Variants in PITRM1 observed in about 807,000 individuals in gnomAD.
The protein encoded by PITRM1 is pitrilysin metallopeptidase 1, also known as presequence protease, mitochondrial.
In PITRM1, 100 loss-of-function variants were observed where a neutral mutation model predicts 129.9. That is an observed-to-expected ratio of 0.77 (90% CI 0.65 to 0.91). PITRM1 has a LOEUF of 0.91. Among genes scored for constraint, PITRM1 ranks in the 40% least tolerant of loss-of-function variants. The probability of loss-of-function intolerance (pLI) is 0.00; values close to 1 mark genes in which losing one functional copy is unlikely to be tolerated. For missense variants in PITRM1, 1,471 were observed against 1,318.3 expected, an observed-to-expected ratio of 1.12 and a Z score of -1.79; for synonymous variants, 591 against 508.8, an observed-to-expected ratio of 1.16 and a Z score of -2.17.
chr10:3,154,080 GCTCT>G (rs1273324547), intron 14 of PITRM1, among the ~76,000 whole-genome samples: 11 of 152,176 alleles, frequency 7.2e-5, no homozygotes, highest in Non-Finnish European at 2.9e-5. Context: ...CTTCTCATCT[GCTCT>G]CTGTCCCTGC....
intron 21 of PITRM1, among the ~76,000 whole-genome samples, chr10:3,144,641 A>G (rs1840657364): frequency 6.6e-6 from 1 of 152,088 alleles, no homozygotes; most frequent in Non-Finnish European, 1.5e-5. Flanking sequence ...CATCTCAACA[A>G]AAAATTTTTA....
Position 3,140,903 on chromosome 10 carries a change from C to T in PITRM1, c.2646-91G>A, listed in dbSNP as rs1027693578. ...TGTTGGATTAAGTGAAAATGAAAAT[C>T]GAGTTGTAAAATAATGCTGCATAAA... On this transcript the variant is annotated intron_variant, in intron 23 of 26. Transcript: ENST00000224949. The T allele has an allele frequency of 2.3e-5, 27 of 1,163,000 alleles. No homozygotes were observed. In the African/African-American group the frequency reaches 2.5e-4, roughly 11 times the overall value. 72.0% of individuals were successfully genotyped at this position (1,163,000 alleles called of 1,614,324 possible).
At chr10:3,158,596 G>C (rs1417028027) in intron 10 of PITRM1, among the ~76,000 whole-genome samples, 1 of 152,158 alleles carries the variant, frequency 6.6e-6, no homozygotes, top group African/African-American at 2.4e-5. Context: ...AGAGACAACA[G>C]CATGACATTC....
At chr10:3,150,653 A>G (rs1222284953) in intron 15 of PITRM1, among the ~76,000 whole-genome samples, 2 of 152,220 alleles carry the variant, frequency 1.3e-5, no homozygotes, top group African/African-American at 4.8e-5. Context: ...GCTACTAGCC[A>G]GGAGCCAGAG....
Position 3,138,115 on chromosome 10 carries a change from G to A in PITRM1, c.3030C>T (p.Gly1010=), listed in dbSNP as rs755718688. 6.2e-7 allele frequency: 1 copy of A among 1,609,034 alleles called. No homozygotes were observed. Among genetic ancestry groups the A allele is most frequent in the Non-Finnish European group, 8.5e-7 (1 of 1,177,332 alleles). ...KLLAVSDRYL[G]TGKSTHGLAI... ...CCAGGCCGTGTGTGCTCTTCCCAGT[G>A]CCGAGGTATCTGAGAGGAAGGCAGG... The change falls in exon 27 of 27, where the codon GGC becomes GGT. Residue 1010 remains glycine (G), a synonymous_variant. Transcript: ENST00000224949.
rs376703266 is a variant in PITRM1, at chr10:3,137,993, T to C, written c.*38A>G. ...TTTTCATATTCAGCTCGGAGGTGTA[T>C]TGTCTCGGGCTCCTGTGCAGTCGAG... On this transcript the variant is annotated 3_prime_UTR_variant, in exon 27 of 27. Coordinates refer to ENST00000224949, the MANE Select transcript of PITRM1 (RefSeq NM_014889.4). 982 of 1,194,006 alleles carry C rather than the reference T, an allele frequency of 8.2e-4. 2 individuals are homozygous for C. The highest frequency in any genetic ancestry group is 1.0e-3 in the Non-Finnish European group (848 of 815,126). The allele number at this position is 1,194,006 out of a possible 1,614,324, so 74.0% of individuals were successfully genotyped here. A position where few individuals can be genotyped will look rare whatever the true frequency, so the allele number is the denominator to read the frequency against.
At chr10:3,147,837 A>G in intron 18 of PITRM1, 100 bp from the exon 19 acceptor site, 2 of 1,275,134 alleles carry the variant, frequency 1.6e-6, no homozygotes, top group Non-Finnish European at 2.2e-6. Flanking sequence ...TTTAACAACC[A>G]AAGAAATTTT....
chr10:3,140,629 T>C lies in PITRM1; in HGVS notation c.2771+58A>G, dbSNP rs79684912. ...TAGAAGAAAATGACACTGATAATCA[T>C]GAGTAGAAGACTAAAACGACGTGTG... On this transcript the variant is annotated intron_variant, in intron 24 of 26. Transcript: ENST00000224949. 827 of 1,471,046 alleles carry C rather than the reference T, an allele frequency of 5.6e-4. 3 individuals carry two copies. The highest frequency in any genetic ancestry group is 3.3e-4 in the Non-Finnish European group (352 of 1,073,538). The allele number at this position is 1,471,046 out of a possible 1,614,324, so 91.1% of individuals were successfully genotyped here. A position where few individuals can be genotyped will look rare whatever the true frequency, so the allele number is the denominator to read the frequency against.
At chr10:3,147,044 C>T (rs919781055) in intron 20 of PITRM1, 106 bp downstream of exon 20, 10 of 578,732 alleles carry the variant, frequency 1.7e-5, no homozygotes, top group Admixed American at 1.3e-4. Flanking sequence ...AATTCTATAA[C>T]CTTTACCAAG....
At position 3,140,749 on chromosome 10, in the gene PITRM1, G is replaced by T; in HGVS notation, c.2709C>A (p.Gly903=). Reference sequence around the variant, plus strand: ...GTTTTGCGCCTCCACCATAAGCACCGCCTTTTTCTCGAATTTCTGTATGCA... The same window carrying T: ...GTTTTGCGCCTCCACCATAAGCACCTCCTTTTTCTCGAATTTCTGTATGCA... ...KFLHTEIREK[G]GAYGGGAKLS... The change falls in exon 24 of 27, where the codon GGC becomes GGA. Residue 903 remains glycine, a synonymous_variant. Coordinates refer to ENST00000224949, the MANE Select transcript of PITRM1 (RefSeq NM_014889.4). The T allele has an allele frequency of 6.3e-7, 1 of 1,596,368 alleles. No homozygotes were observed. The highest frequency in any genetic ancestry group is 2.2e-5 in the East Asian group (1 of 44,522).
chr10:3,156,580 A>G (rs1842002143), intron 13 of PITRM1, among the ~76,000 whole-genome samples: 1 of 152,240 alleles, frequency 6.6e-6, no homozygotes, highest in South Asian at 2.1e-4. Context: ...GCAAGCATCA[A>G]AAGAATTCAC....
intron 23 of PITRM1, chr10:3,141,688 C>T (rs1840220029): frequency 4.3e-6 from 2 of 470,278 alleles, no homozygotes; most frequent in African/African-American, 4.0e-5. Context: ...CTTGAAGACG[C>T]CCGTGGTGAG....
At position 3,158,123 on chromosome 10, in the gene PITRM1, A is replaced by G. The variant is rs1409868081; in HGVS notation, c.1167T>C (p.Phe389=). 1 of 1,608,196 alleles carries G rather than the reference A, an allele frequency of 6.2e-7. No individual in the cohort carries two copies. Among genetic ancestry groups the G allele is most frequent in the Non-Finnish European group, 8.5e-7 (1 of 1,175,730 alleles). ...CCGCAATCCCTTGGAGGCCGACACT[A>G]AAGTAGGCCTCCCTCGTGTAGCCAT... ...GYNGYTREAY[F]SVGLQGIAEK... Residue 389 remains phenylalanine, a synonymous_variant, in exon 11 of 27, where the codon TTT becomes TTC. Transcript: ENST00000224949.
intron 7 of PITRM1, among the ~76,000 whole-genome samples, chr10:3,161,587 C>A (rs1356277541): frequency 3.3e-5 from 5 of 151,782 alleles, no homozygotes; most frequent in Non-Finnish European, 7.4e-5. Context: ...AAGACCCTTC[C>A]CCATTAGCCA....
chr10:3,137,881 T>C lies in PITRM1; in HGVS notation c.*150A>G, dbSNP rs773241475. On this transcript the variant is annotated 3_prime_UTR_variant, in exon 27 of 27. Transcript: ENST00000224949. Reference sequence around the variant, plus strand: ...AACCTCTTCCTGGTCACTCTTAAGATAGATCTGAGTTTTTGACTCGCCAGT... The same window carrying C: ...AACCTCTTCCTGGTCACTCTTAAGACAGATCTGAGTTTTTGACTCGCCAGT... The C allele has an allele frequency of 8.3e-6, 5 of 604,976 alleles. No individual in the cohort carries two copies. Among genetic ancestry groups the C allele is most frequent in the African/African-American group, 5.8e-5 (3 of 52,026 alleles). The allele number at this position is 604,976 out of a possible 1,614,324, so 37.5% of individuals were successfully genotyped here.
intron 16 of PITRM1, 32 bp from the exon 17 acceptor site, chr10:3,148,323 CAA>C: frequency 2.6e-6 from 4 of 1,567,134 alleles, no homozygotes; most frequent in Non-Finnish European, 3.5e-6. Context: ...GCCCCGATTA[CAA>C]GTCAGTCTTT....
At position 3,147,584 on chromosome 10, in the gene PITRM1, G is replaced by C; in HGVS notation, c.2223C>G (p.Ser741Arg). 1.9e-6 allele frequency: 3 copies of C among 1,613,976 alleles called. No homozygotes were observed. The highest frequency in any genetic ancestry group is 1.7e-4 in the Middle Eastern group (1 of 6,050). The change falls in exon 19 of 27, where the codon AGC becomes AGG. Residue 741 changes from serine to arginine, a missense_variant. By Grantham distance (110) the Ser-to-Arg change is moderately radical. Coordinates refer to ENST00000224949, the MANE Select transcript of PITRM1 (RefSeq NM_014889.4). ...TPAGDLQETF[S>R]GMDQVRLMKR... ...CCAAGCTTCCCACCTGATCCATCCC[G>C]CTGAAGGTCTCCTGCAGGTCCCCTG...
chr10:3,163,416 C>T, intron 7 of PITRM1: 1 of 189,548 alleles, frequency 5.3e-6, no homozygotes, highest in Non-Finnish European at 1.1e-5. Context: ...GGGCACCATC[C>T]ATGCACCCCC....
intron 21 of PITRM1, 94 bp downstream of exon 21, chr10:3,145,502 A>G (rs1458676528): frequency 9.4e-7 from 1 of 1,064,428 alleles, no homozygotes; most frequent in Non-Finnish European, 1.4e-6. Context: ...CACATGCTGG[A>G]CTGCTCTGAG....
Sources: allele counts gnomAD v4.1 joint callset (sites outside exome capture counted in the v4.1 genomes callset), GRCh38; gene constraint gnomAD v4.1.1; transcripts MANE v1.5; gene names NCBI Gene and HGNC (gene_info 2026-07-23, HGNC 2026-07-21).